ZFHX3: variants seen among roughly 807,000 people sequenced by gnomAD.
ZFHX3 encodes zinc finger homeobox protein 3.
ZFHX3 carries 42 observed loss-of-function variants against 279.1 expected under a neutral mutation model. The ratio of observed to expected loss-of-function variants is 0.15; its 90% CI spans 0.12 to 0.19. ZFHX3 has a LOEUF of 0.19. ZFHX3 is among the 10% of genes least tolerant of loss of function. The pLI is 1.00. For missense variants in ZFHX3, 4,981 were observed against 4,754.0 expected (o/e 1.05, Z -1.40); for synonymous variants, 2,293 against 1,957.8 (o/e 1.17, Z -4.52).
Position 73,276,021 on chromosome 16 carries a change from TAGA to T in ZFHX3, c.-1193-18888_-1193-18886del, listed in dbSNP as rs527592805. Reference sequence around the variant, plus strand: ...GGGAAGGATGATATTGGGAACTTATTAGAAGATGAAGCGTCCATGCCCCATTTT... The same window carrying T: ...GGGAAGGATGATATTGGGAACTTATTAGATGAAGCGTCCATGCCCCATTTT... On this transcript the variant is annotated intron_variant, in intron 4 of 17. Coordinates refer to the ZFHX3 transcript ENST00000641206. Among the ~76,000 whole-genome samples the T allele has an allele frequency of 3.9e-5, 6 of 152,122 alleles. No individual in the cohort carries two copies. In the South Asian group the frequency reaches 1.0e-3, roughly 26 times the overall value.
At chr16:72,870,211 G>C (rs763270129) in intron 4 of ZFHX3, among the ~76,000 whole-genome samples, 8 of 151,792 alleles carry the variant, frequency 5.3e-5, no homozygotes, top group Non-Finnish European at 1.2e-4. Flanking sequence ...GGGCAATGTG[G>C]TGAGACATCA....
At chr16:73,763,985 CCCAA>C (rs1321124237) in intron 1 of ZFHX3, among the ~76,000 whole-genome samples, 1 of 152,152 alleles carries the variant, frequency 6.6e-6, no homozygotes, top group East Asian at 1.9e-4. Context: ...AAGAACACAG[CCCAA>C]CCAACACCTT....
intron 8 of ZFHX3, among the ~76,000 whole-genome samples, chr16:73,089,347 A>G (rs1025243512): frequency 2.0e-5 from 3 of 152,162 alleles, no homozygotes; most frequent in African/African-American, 7.2e-5. Flanking sequence ...CAGGTGATCC[A>G]CGTAAAGTGG....
At chr16:72,841,977 C>A (rs1410889471) in intron 4 of ZFHX3, among the ~76,000 whole-genome samples, 1 of 152,220 alleles carries the variant, frequency 6.6e-6, no homozygotes, top group African/African-American at 2.4e-5. Flanking sequence ...ATGACAAAGT[C>A]ATCAGGGATC....
intron 3 of ZFHX3, chr16:73,420,103 T>G (rs1356986745): frequency 1.3e-5 from 2 of 152,146 alleles, no homozygotes; most frequent in Non-Finnish European, 2.9e-5. Flanking sequence ...GGACAGCGTT[T>G]CACTATGTTG....
At chr16:73,324,874 C>G (rs1288655402) in intron 3 of ZFHX3, among the ~76,000 whole-genome samples, 5 of 152,170 alleles carry the variant, frequency 3.3e-5, no homozygotes, top group Non-Finnish European at 7.3e-5. Flanking sequence ...AAGTTCTCAG[C>G]CTCGGTTTTG....
intron 1 of ZFHX3, among the ~76,000 whole-genome samples, chr16:72,993,456 T>C (rs370067553): frequency 6.6e-6 from 1 of 152,098 alleles, no homozygotes; most frequent in East Asian, 1.9e-4. Context: ...CATTGAGAAA[T>C]AAAGATGTGA....
chr16:73,431,795 T>A (rs2017916293), intron 3 of ZFHX3, among the ~76,000 whole-genome samples: 1 of 152,150 alleles, frequency 6.6e-6, no homozygotes, highest in Admixed American at 6.5e-5. Flanking sequence ...CCCCCAAGAA[T>A]CCTCAAACCA....
intron 4 of ZFHX3, among the ~76,000 whole-genome samples, chr16:72,831,013 T>C (rs2143728095): frequency 6.6e-6 from 1 of 152,246 alleles, no homozygotes; most frequent in South Asian, 2.1e-4. Flanking sequence ...CAGAGGTCTG[T>C]CCAACCCCAA....
At chr16:73,067,051 G>GCCCT (rs1965764320) in intron 8 of ZFHX3, among the ~76,000 whole-genome samples, 1 of 152,108 alleles carries the variant, frequency 6.6e-6, no homozygotes, top group African/African-American at 2.4e-5. Flanking sequence ...AACCCCCGGG[G>GCCCT]CCCTGCTCGC....
chr16:72,827,935 C>T (rs1435933734), intron 5 of ZFHX3, among the ~76,000 whole-genome samples: 2 of 152,178 alleles, frequency 1.3e-5, no homozygotes, highest in African/African-American at 4.8e-5. Flanking sequence ...AACAGTGGTA[C>T]ATCACCCGCC....
At chr16:73,721,342 G>A (rs1225143287) in intron 1 of ZFHX3, among the ~76,000 whole-genome samples, 5 of 152,086 alleles carry the variant, frequency 3.3e-5, no homozygotes, top group South Asian at 2.1e-4. Context: ...GGCTGGTCTC[G>A]AACTCCTGAC....
chr16:73,381,644 T>G (rs192437495), intron 3 of ZFHX3, among the ~76,000 whole-genome samples: 1 of 152,330 alleles, frequency 6.6e-6, no homozygotes, highest in Non-Finnish European at 1.5e-5. Context: ...AGGAGCCAGA[T>G]AGTAAATATT....
At chr16:73,815,517 T>C (rs1465837979) in intron 1 of ZFHX3, 1 of 152,094 alleles carries the variant, frequency 6.6e-6, no homozygotes. Flanking sequence ...AGAACCGATA[T>C]GAACCGAAAT....
At chr16:72,908,466 C>T (rs1035863086) in intron 3 of ZFHX3, among the ~76,000 whole-genome samples, 5 of 152,180 alleles carry the variant, frequency 3.3e-5, no homozygotes, top group East Asian at 3.9e-4. Flanking sequence ...AGATTCAGGA[C>T]GCCTCCCCTG....
chr16:73,261,582 C>G (rs914334538), intron 4 of ZFHX3, among the ~76,000 whole-genome samples: 1 of 149,704 alleles, frequency 6.7e-6, no homozygotes. Flanking sequence ...AAGGGGAATT[C>G]TGTTTTCCAA....
At chr16:73,162,994 T>G (rs1242820979) in intron 5 of ZFHX3, among the ~76,000 whole-genome samples, 2 of 152,180 alleles carry the variant, frequency 1.3e-5, no homozygotes, top group Non-Finnish European at 2.9e-5. Context: ...CAGGAACATG[T>G]GGTCTTCAGG....
upstream of ZFHX3, among the ~76,000 whole-genome samples, chr16:73,063,331 G>A (rs748971570): frequency 1.3e-5 from 2 of 152,218 alleles, no homozygotes; most frequent in African/African-American, 4.8e-5. Context: ...GATGAGATAG[G>A]GAGGGAGAAA....
intron 1 of ZFHX3, among the ~76,000 whole-genome samples, chr16:73,869,797 T>C (rs1016237863): frequency 2.0e-5 from 3 of 152,228 alleles, no homozygotes; most frequent in Non-Finnish European, 2.9e-5. Context: ...TCATAATGTT[T>C]AACCGGGCTT....
Sources: gnomAD v4.1 joint callset for allele counts (sites outside exome capture counted in the v4.1 genomes callset) on GRCh38, gnomAD v4.1.1 for gene constraint, MANE v1.5 for transcripts, NCBI Gene and HGNC (gene_info 2026-07-23, HGNC 2026-07-21) for gene names.